The following AOAH variants were observed in gnomAD, a reference collection of about 807,000 sequenced individuals.
The protein encoded by AOAH is acyloxyacyl hydrolase (neutrophil).
In AOAH, 64 loss-of-function variants were observed where a neutral mutation model predicts 92.2. The ratio of observed to expected loss-of-function variants is 0.69; its 90% CI spans 0.57 to 0.86. AOAH has a LOEUF of 0.86. AOAH is among the 40% of genes least tolerant of loss of function. The probability of loss-of-function intolerance (pLI) is 0.00; values close to 1 mark genes in which losing one functional copy is unlikely to be tolerated. For synonymous variants in AOAH, 263 were observed against 254.5 expected (o/e 1.03, Z -0.32); for missense variants, 656 against 694.6 (o/e 0.94, Z 0.62).
intron 3 of AOAH, among the ~76,000 whole-genome samples, chr7:36,673,398 G>A (rs965938456): frequency 5.2e-5 from 4 of 76,660 alleles, no homozygotes; most frequent in Non-Finnish European, 9.5e-5. Flanking sequence ...ATTAGCCGGT[G>A]TGGTGGCACA....
chr7:36,704,307 G>A (rs1238395849), intron 1 of AOAH, among the ~76,000 whole-genome samples: 1 of 152,102 alleles, frequency 6.6e-6, no homozygotes, highest in Non-Finnish European at 1.5e-5. Flanking sequence ...TAGGTTGCCT[G>A]TTCACTCTGA....
At chr7:36,520,123 G>A (rs118110695) in intron 20 of AOAH, among the ~76,000 whole-genome samples, 2,947 of 152,306 alleles carry the variant, frequency 0.019, 45 homozygotes, top group Non-Finnish European at 0.031. Flanking sequence ...TTTTGACTGT[G>A]TTTTCAATAA....
intron 11 of AOAH, among the ~76,000 whole-genome samples, chr7:36,605,540 T>C (rs1162140955): frequency 6.6e-6 from 1 of 152,216 alleles, no homozygotes; most frequent in Non-Finnish European, 1.5e-5. Context: ...AAGTCTTTAT[T>C]TCATGTTCTG....
intron 1 of AOAH, among the ~76,000 whole-genome samples, chr7:36,706,743 C>T (rs1187180848): frequency 6.6e-6 from 1 of 152,172 alleles, no homozygotes; most frequent in African/African-American, 2.4e-5. Context: ...TCTACATCAG[C>T]ATGTGTTCCT....
At chr7:36,621,218 G>T (rs1434879148) in intron 8 of AOAH, among the ~76,000 whole-genome samples, 1 of 152,142 alleles carries the variant, frequency 6.6e-6, no homozygotes, top group Admixed American at 6.5e-5. Flanking sequence ...CACAACAAAG[G>T]CGAGGGCTAG....
intron 12 of AOAH, among the ~76,000 whole-genome samples, chr7:36,593,259 A>G (rs771920800): frequency 2.1e-4 from 32 of 152,274 alleles, no homozygotes; most frequent in Non-Finnish European, 2.9e-5. Flanking sequence ...GTGCCTGATT[A>G]GGTGGTTAAG....
intron 12 of AOAH, among the ~76,000 whole-genome samples, chr7:36,587,271 C>CAAAAAAAAA (rs57475443): frequency 1.4e-4 from 12 of 84,862 alleles, no homozygotes; most frequent in South Asian, 4.0e-4. Flanking sequence ...GACTCCGTCT[C>CAAAAAAAAA]AAAAAAAAAA....
At chr7:36,679,544 T>TTGTACATTATTATATGTATAATATG (rs1796504059) in intron 2 of AOAH, among the ~76,000 whole-genome samples, 1 of 134,774 alleles carries the variant, frequency 7.4e-6, no homozygotes, top group Non-Finnish European at 1.6e-5. Context: ...GCAGATATTG[T>TTGTACATTATTATATGTATAATATG]TATACATTAT....
At chr7:36,571,267 G>A (rs1788130623) in intron 13 of AOAH, among the ~76,000 whole-genome samples, 1 of 152,160 alleles carries the variant, frequency 6.6e-6, no homozygotes, top group South Asian at 2.1e-4. Flanking sequence ...CTGGGTGGGT[G>A]CTGCCAGAGC....
At chr7:36,697,399 C>T (rs182351495) in intron 1 of AOAH, among the ~76,000 whole-genome samples, 22 of 152,248 alleles carry the variant, frequency 1.4e-4, no homozygotes, top group Admixed American at 1.4e-3. Flanking sequence ...TCTACTTGGT[C>T]ATGGTATATT....
In AOAH at chr7:36,530,442, A is replaced by G. The variant is rs370204463; in HGVS notation, c.1498T>C (p.Tyr500His). ...SEKFTNFNLF[Y>H]MDFAFHEIIQ... is the part of the protein sequence containing the mutation. ...CTTTCATGGAAGGCAAAATCCATGT[A>G]GAAAAGATTGAAGTTTGTAAATTTC... Residue 500 changes from tyrosine to histidine, a missense_variant, in exon 19 of 21, where the codon TAC (tyrosine) becomes CAC (histidine). Coordinates refer to ENST00000617537, the MANE Select transcript of AOAH (RefSeq NM_001637.4). 13 of 1,613,194 alleles carry G rather than the reference A, an allele frequency of 8.1e-6. No individual in the cohort carries two copies. The highest frequency in any genetic ancestry group is 6.7e-5 in the African/African-American group (5 of 74,918).
chr7:36,624,181 A>G (rs1226744299), intron 6 of AOAH, among the ~76,000 whole-genome samples: 1 of 152,192 alleles, frequency 6.6e-6, no homozygotes, highest in Admixed American at 6.5e-5. Context: ...AAATCCCTTC[A>G]TTCCTTCCTT....
At chr7:36,532,848 C>T (rs1784781033) in intron 16 of AOAH, among the ~76,000 whole-genome samples, 1 of 152,122 alleles carries the variant, frequency 6.6e-6, no homozygotes, top group South Asian at 2.1e-4. Context: ...GCAGGACATT[C>T]TGAGTATCTG....
At chr7:36,517,936 CA>C (rs1562855059) in intron 20 of AOAH, among the ~76,000 whole-genome samples, 29 of 54,056 alleles carry the variant, frequency 5.4e-4, no homozygotes, top group Non-Finnish European at 1.1e-3. Flanking sequence ...CACACCCACA[CA>C]CACACACCCA....
chr7:36,575,298 C>A (rs1026066589), intron 13 of AOAH, among the ~76,000 whole-genome samples: 5 of 152,194 alleles, frequency 3.3e-5, no homozygotes, highest in African/African-American at 1.2e-4. Flanking sequence ...TGGAGTGAGA[C>A]AACGTGGGTA....
At chr7:36,577,031 T>C (rs1788560226) in intron 12 of AOAH, among the ~76,000 whole-genome samples, 3 of 152,022 alleles carry the variant, frequency 2.0e-5, no homozygotes, top group Non-Finnish European at 4.4e-5. Context: ...TTTCTTTTTT[T>C]TTTTTTTTTT....
At chr7:36,564,557 G>C (rs532503099) in intron 13 of AOAH, among the ~76,000 whole-genome samples, 1 of 152,342 alleles carries the variant, frequency 6.6e-6, no homozygotes, top group South Asian at 2.1e-4. Context: ...AGAAATGACA[G>C]CTCACTCAAG....
chr7:36,722,579 C>T (rs1459812386), intron 1 of AOAH, among the ~76,000 whole-genome samples: 2 of 152,078 alleles, frequency 1.3e-5, no homozygotes, highest in African/African-American at 2.4e-5. Flanking sequence ...GTTCAAAGGA[C>T]CACACACCTC....
chr7:36,558,032 C>G (rs575609579), intron 13 of AOAH, among the ~76,000 whole-genome samples: 1 of 152,238 alleles, frequency 6.6e-6, no homozygotes, highest in Admixed American at 6.5e-5. Context: ...TGGTGAGGAG[C>G]TGTGTTCCTT....
Sources: allele counts gnomAD v4.1 joint callset (sites outside exome capture counted in the v4.1 genomes callset), GRCh38; gene constraint gnomAD v4.1.1; transcripts MANE v1.5; gene names NCBI Gene and HGNC (gene_info 2026-07-23, HGNC 2026-07-21).